Variants in DNAJC13 observed in about 807,000 individuals in gnomAD.
DNAJC13 encodes the protein DnaJ heat shock protein family (Hsp40) member C13, also known as dnaJ homolog subfamily C member 13.
DNAJC13 carries 75 observed loss-of-function variants against 290.5 expected under a neutral mutation model. The ratio of observed to expected loss-of-function variants is 0.26; its 90% confidence interval spans 0.21 to 0.31. DNAJC13 has a LOEUF of 0.31. Ranked by LOEUF, DNAJC13 falls within the 10% of genes least tolerant of loss-of-function variation. The probability of loss-of-function intolerance (pLI) is 1.00; values close to 1 mark genes in which losing one functional copy is unlikely to be tolerated. For synonymous variants in DNAJC13, 862 were observed against 892.0 expected (o/e 0.97, Z 0.60); for missense variants, 2,260 against 2,674.5 (o/e 0.85, Z 3.42).
intron 18 of DNAJC13, 26 bp downstream of exon 18, chr3:132,466,096 T>C (rs1275248083): frequency 6.3e-7 from 1 of 1,577,492 alleles, no homozygotes; most frequent in Non-Finnish European, 8.7e-7. Context: ...AATTAGGTTA[T>C]ATACTGCCTA....
intron 15 of DNAJC13, 125 bp downstream of exon 15, chr3:132,461,330 G>A (rs546219502): frequency 1.1e-6 from 1 of 947,094 alleles, no homozygotes; most frequent in Non-Finnish European, 1.6e-6. Context: ...TGGCTTTCCT[G>A]GGCCACACTG....
intron 39 of DNAJC13, among the ~76,000 whole-genome samples, chr3:132,501,255 C>T (rs1011705238): frequency 1.3e-5 from 2 of 152,132 alleles, no homozygotes; most frequent in African/African-American, 4.8e-5. Flanking sequence ...AATCCTAGCA[C>T]TTTGGCAAGC....
intron 32 of DNAJC13, among the ~76,000 whole-genome samples, 162 bp from the exon 33 acceptor site, chr3:132,492,252 A>G (rs567821607): frequency 6.6e-6 from 1 of 152,266 alleles, no homozygotes; most frequent in African/African-American, 2.4e-5. Context: ...ATGTTTGTAC[A>G]ATAAAATGCC....
intron 44 of DNAJC13, among the ~76,000 whole-genome samples, chr3:132,512,666 G>A (rs545074862): frequency 6.6e-6 from 1 of 152,154 alleles, no homozygotes; most frequent in Non-Finnish European, 1.5e-5. Context: ...TTAGGTTGAG[G>A]GGGGTAACCC....
chr3:132,461,070 A>C lies in DNAJC13; in HGVS notation c.1578A>C (p.Leu526=). 1 of 1,613,978 alleles carries C rather than the reference A, an allele frequency of 6.2e-7. No individual in the cohort carries two copies. Among genetic ancestry groups the C allele is most frequent in the East Asian group, 2.2e-5 (1 of 44,872 alleles). The part of the protein sequence containing the change: ...NSHVDHGTGA[L]VISSLLDFLT... ...TTCAGGATCATGGGACTGGTGCCCT[A>C]GTTATTAGTTCGCTCTTGGACTTCC... is the stretch of plus-strand genomic sequence containing the variant. Residue 526 remains leucine, a synonymous_variant, in exon 15 of 56, where the codon CTA becomes CTC. Transcript: ENST00000260818.
At chr3:132,494,924 TAA>T (rs3215092) in intron 34 of DNAJC13, among the ~76,000 whole-genome samples, 162 bp from the exon 35 acceptor site, 8 of 147,702 alleles carry the variant, frequency 5.4e-5, no homozygotes, top group South Asian at 4.3e-4. Context: ...AGTAACATGT[TAA>T]AAAAAAAAAA....
At chr3:132,468,861 T>C (rs1420492109) in intron 20 of DNAJC13, among the ~76,000 whole-genome samples, 3 of 152,186 alleles carry the variant, frequency 2.0e-5, no homozygotes, top group Admixed American at 2.0e-4. Context: ...TAACAGTTCT[T>C]TCAAGCTGTT....
intron 1 of DNAJC13, among the ~76,000 whole-genome samples, chr3:132,419,239 G>T (rs1938886187): frequency 6.6e-6 from 1 of 152,090 alleles, no homozygotes; most frequent in African/African-American, 2.4e-5. Flanking sequence ...GAACCTTAAG[G>T]CTAGAGTTCA....
At position 132,454,173 on chromosome 3, in the gene DNAJC13, T is replaced by A. The variant is rs767766724; in HGVS notation, c.932+16T>A. Reference sequence around the variant, plus strand: ...CAACAGAGAGGTATTTTTTTTTTTTTAAGTTTTTGAAATCCTAGTTGTGCA... The same window carrying A: ...CAACAGAGAGGTATTTTTTTTTTTTAAAGTTTTTGAAATCCTAGTTGTGCA... On this transcript the variant is annotated intron_variant, in intron 9 of 55. Transcript: ENST00000260818. 1.5e-5 allele frequency: 23 copies of A among 1,517,570 alleles called. No homozygotes were observed. Among genetic ancestry groups the A allele is most frequent in the Non-Finnish European group, 1.9e-5 (21 of 1,108,560 alleles). The allele number at this position is 1,517,570 out of a possible 1,614,324, so 94.0% of individuals were successfully genotyped here. A position where few individuals can be genotyped will look rare whatever the true frequency, so the allele number is the denominator to read the frequency against.
chr3:132,512,750 A>G (rs1935815601), intron 44 of DNAJC13, among the ~76,000 whole-genome samples: 1 of 152,130 alleles, frequency 6.6e-6, no homozygotes, highest in Non-Finnish European at 1.5e-5. Context: ...TGTTTATTTG[A>G]TAAAGGTCTT....
At chr3:132,461,406 GAA>G (rs922345525) in intron 15 of DNAJC13, among the ~76,000 whole-genome samples, 2 of 151,206 alleles carry the variant, frequency 1.3e-5, no homozygotes, top group African/African-American at 4.8e-5. Context: ...TGACCTAAAA[GAA>G]AAAAAAATTG....
At chr3:132,463,852 T>G in intron 17 of DNAJC13, 35 bp downstream of exon 17, 1 of 1,595,362 alleles carries the variant, frequency 6.3e-7, no homozygotes, top group Non-Finnish European at 8.6e-7. Context: ...GCAATTTAAC[T>G]TCCTGTCTAG....
At chr3:132,460,461 C>T in intron 14 of DNAJC13, 104 bp downstream of exon 14, 1 of 737,110 alleles carries the variant, frequency 1.4e-6, no homozygotes, top group South Asian at 1.9e-5. Flanking sequence ...ATTGTAGCCC[C>T]CAGCTTTGGT....
At chr3:132,433,551 T>C (rs937679388) in intron 1 of DNAJC13, among the ~76,000 whole-genome samples, 17 of 152,202 alleles carry the variant, frequency 1.1e-4, no homozygotes, top group African/African-American at 4.1e-4. Flanking sequence ...GCTGGGGTTA[T>C]AGGCATGAGC....
intron 55 of DNAJC13, 68 bp downstream of exon 55, chr3:132,531,165 A>G (rs1936403948): frequency 7.5e-7 from 1 of 1,331,938 alleles, no homozygotes; most frequent in Admixed American, 1.7e-5. Flanking sequence ...CTTTTGCCCT[A>G]AATAGACTTA....
chr3:132,506,947 A>G (rs536517964), intron 42 of DNAJC13, among the ~76,000 whole-genome samples: 1 of 152,274 alleles, frequency 6.6e-6, no homozygotes, highest in South Asian at 2.1e-4. Context: ...GTTGATTGAG[A>G]AGAATAAAGC....
intron 1 of DNAJC13, among the ~76,000 whole-genome samples, chr3:132,424,304 C>G (rs1939036881): frequency 6.6e-6 from 1 of 151,958 alleles, no homozygotes; most frequent in Admixed American, 6.6e-5. Context: ...GTCAGAAATA[C>G]AAATTATTCC....
intron 1 of DNAJC13, among the ~76,000 whole-genome samples, chr3:132,427,100 T>C (rs1336793527): frequency 1.4e-5 from 2 of 139,876 alleles, no homozygotes; most frequent in Admixed American, 1.4e-4. Flanking sequence ...TGTGTGTGTG[T>C]GTGCACGTGT....
chr3:132,462,548 A>G, intron 16 of DNAJC13, 25 bp downstream of exon 16: 1 of 1,569,828 alleles, frequency 6.4e-7, no homozygotes, highest in South Asian at 1.2e-5. Flanking sequence ...TTGAAATTTT[A>G]ACCTTACTTG....
Sources: gnomAD v4.1 joint callset for allele counts (sites outside exome capture counted in the v4.1 genomes callset) on GRCh38, gnomAD v4.1.1 for gene constraint, MANE v1.5 for transcripts, NCBI Gene and HGNC (gene_info 2026-07-23, HGNC 2026-07-21) for gene names.